The following EHMT2 variants were observed in gnomAD, a reference collection of about 807,000 sequenced individuals.
The protein encoded by EHMT2 is euchromatic histone lysine methyltransferase 2.
A neutral mutation model predicts 143.3 loss-of-function variants in EHMT2; 59 were observed. The ratio of observed to expected loss-of-function variants is 0.41; its 90% CI spans 0.33 to 0.51. The LOEUF (loss-of-function observed/expected upper bound fraction) is 0.51. EHMT2 is among the 20% of genes least tolerant of loss of function. The pLI is 0.18. For synonymous variants in EHMT2, 604 were observed against 651.5 expected (o/e 0.93, Z 1.11); for missense variants, 1,174 against 1,645.9 (o/e 0.71, Z 4.96).
chr6:31,897,671 C>CCGCCAT, exon 1 of EHMT2: 1 of 1,148,524 alleles, frequency 8.7e-7, no homozygotes. Context: ...CCCGCCGCCG[C>CCGCCAT]CGCCATCGCC....
chr6:31,886,762 C>T lies in EHMT2; in HGVS notation c.2241+13G>A. ...TGACTCCGGGGGCCACGCCCTGCTGCCTGCGCGCACACCTTGCTATAGACA... is the reference window on the plus strand; with the variant it reads ...TGACTCCGGGGGCCACGCCCTGCTGTCTGCGCGCACACCTTGCTATAGACA... On this transcript the variant is annotated intron_variant, in intron 17 of 27. Transcript: ENST00000375537. 1 of 1,614,174 alleles carries T rather than the reference C, an allele frequency of 6.2e-7. No individual in the cohort carries two copies. The highest frequency in any genetic ancestry group is 8.5e-7 in the Non-Finnish European group (1 of 1,179,992).
chr6:31,893,339 G>C (rs1223248139), intron 4 of EHMT2: 1 of 444,374 alleles, frequency 2.3e-6, no homozygotes, highest in African/African-American at 2.0e-5. Context: ...CTTTTTTTAA[G>C]AGATAAGGTC....
chr6:31,884,867 C>A lies in EHMT2; in HGVS notation c.2448+45G>T. ...GCCCTTGAATCCAGCCTCCACCTTG[C>A]TCAGGGGCCTGGGGCTGCCCTACCT... On this transcript the variant is annotated intron_variant, in intron 19 of 27. Transcript: ENST00000375537. The surrounding 1 kb of genome is among the most constrained non-coding windows in gnomAD (Gnocchi z 7.3). 1 of 1,584,074 alleles carries A rather than the reference C, an allele frequency of 6.3e-7. No homozygotes were observed. Among genetic ancestry groups the A allele is most frequent in the Non-Finnish European group, 8.6e-7 (1 of 1,158,836 alleles).
At chr6:31,887,744 C>A in intron 14 of EHMT2, 35 bp downstream of exon 14, 1 of 1,601,938 alleles carries the variant, frequency 6.2e-7, no homozygotes, top group South Asian at 1.1e-5. Flanking sequence ...CTGGCCTCAG[C>A]CCCAGTTGCT....
exon 3 of EHMT2, chr6:31,896,786 T>A (rs751692576): frequency 5.6e-6 from 9 of 1,612,884 alleles, no homozygotes; most frequent in Non-Finnish European, 7.6e-6. Context: ...TTGGGCAGGG[T>A]TTCTTCACTA....
At chr6:31,893,557 T>C in intron 4 of EHMT2, 1 of 274,894 alleles carries the variant, frequency 3.6e-6, no homozygotes, top group South Asian at 3.2e-5. Flanking sequence ...GAACTCCTGG[T>C]GTCAAGTGAT....
chr6:31,885,401 G>C (rs1044388158), intron 18 of EHMT2: 1 of 169,766 alleles, frequency 5.9e-6, no homozygotes, highest in Non-Finnish European at 1.3e-5. Context: ...CGTGAACCCG[G>C]GAGGCGGAGC....
At chr6:31,895,227 GCTTC>G (rs1261740298) in intron 4 of EHMT2, among the ~76,000 whole-genome samples, 19 of 152,208 alleles carry the variant, frequency 1.2e-4, no homozygotes, top group African/African-American at 4.3e-4. Context: ...CTAGGGTGCT[GCTTC>G]ACCCATTATC....
chr6:31,897,551 G>T, intron 1 of EHMT2, 85 bp downstream of exon 1: 5 of 1,062,584 alleles, frequency 4.7e-6, no homozygotes, highest in Non-Finnish European at 5.8e-6. Context: ...CGGCCCCGTT[G>T]CACCCCCGGA....
Position 31,880,312 on chromosome 6 carries a change from G to C in EHMT2, c.3453-48C>G, listed in dbSNP as rs1424903624. The C allele has an allele frequency of 6.3e-7, 1 of 1,588,968 alleles. No individual in the cohort carries two copies. The highest frequency in any genetic ancestry group is 8.6e-7 in the Non-Finnish European group (1 of 1,163,262). ...TGTGGGACCTGGACCCAGCCACCAAGAGCCCACCCCGAAGACCCTGTGGAT... is the reference window on the plus strand; with the variant it reads ...TGTGGGACCTGGACCCAGCCACCAACAGCCCACCCCGAAGACCCTGTGGAT... On this transcript the variant is annotated intron_variant, in intron 27 of 27. Transcript: ENST00000375537. The surrounding 1 kb of genome is among the most constrained non-coding windows in gnomAD (Gnocchi z 6.6).
At position 31,881,709 on chromosome 6, in the gene EHMT2, G is replaced by A. The variant is rs910903378; in HGVS notation, c.3198-617C>T. ...ATGGTGGGGAAACTGAGGCCCAGCA[G>A]GAAGGGGCTGCTTGCCAGAGAAGTT... On this transcript the variant is annotated intron_variant, in intron 25 of 27. Coordinates refer to ENST00000375537, the Ensembl canonical transcript of EHMT2. This position sits in a 1 kb window ranked among gnomAD's most constrained non-coding sequence, Gnocchi z 4.8. 2 of 162,592 alleles carry A rather than the reference G, an allele frequency of 1.2e-5. No homozygotes were observed. The highest frequency in any genetic ancestry group is 4.8e-5 in the African/African-American group (2 of 41,618). The allele number at this position is 162,592 out of a possible 1,614,324, so 10.1% of individuals were successfully genotyped here.
rs749495458 is a variant in EHMT2 at position 31,884,535 on chromosome 6, G to C, written c.2628C>G (p.Asn876Lys). The stretch of plus-strand genomic sequence containing the variant: ...CCCCCTCTTTGTTCCGCAGCTCAGG[G>C]TTGGCCCCACGTGACAGGAATAACC... The change falls in exon 21 of 28, where the codon AAC becomes AAG. Residue 876 changes from asparagine (N) to lysine (K), a missense_variant. Physicochemically the swap from Asn to Lys is moderately conservative, Grantham distance 94. Around this residue, in one of 6 missense-constraint regions of EHMT2, gnomAD observed 608 missense variants for 903.7 expected, o/e 0.67. Transcript: ENST00000375537. This position sits in a 1 kb window ranked among gnomAD's most constrained non-coding sequence, Gnocchi z 7.3. 9.3e-6 allele frequency: 15 copies of C among 1,612,798 alleles called. No homozygotes were observed. The Admixed American group carries it at 1.2e-4, about 13-fold the overall frequency.
At chr6:31,885,044 G>T in intron 18 of EHMT2, 28 bp from the exon 19 acceptor site, 1 of 1,586,446 alleles carries the variant, frequency 6.3e-7, no homozygotes. Flanking sequence ...GTGAGGGTGG[G>T]GGCAGCTGGC....
Position 31,888,593 on chromosome 6 carries a change from C to T in EHMT2, c.1365+6G>A. On this transcript the variant is annotated splice_donor_region_variant and intron_variant, in intron 11 of 27. Coordinates refer to ENST00000375537, the Ensembl canonical transcript of EHMT2. This position sits in a 1 kb window ranked among gnomAD's most constrained non-coding sequence, Gnocchi z 7.4. ...TGGCACCTCTCCCACCAGCCCACGG[C>T]CCCACCTCTCCGTCCACACTCTCAG... 6.2e-7 allele frequency: 1 copy of T among 1,611,870 alleles called. No homozygotes were observed. Among genetic ancestry groups the T allele is most frequent in the South Asian group, 1.1e-5 (1 of 90,978 alleles).
intron 18 of EHMT2, 127 bp from the exon 19 acceptor site, chr6:31,885,143 T>G: frequency 7.9e-7 from 1 of 1,259,966 alleles, no homozygotes; most frequent in Non-Finnish European, 1.1e-6. Flanking sequence ...CCTGGGTAAG[T>G]CACTTAACGT....
At chr6:31,886,626 C>T (rs752565173) in exon 18 of EHMT2, 2 of 1,613,524 alleles carry the variant, frequency 1.2e-6, no homozygotes, top group South Asian at 1.1e-5. Context: ...GCAGGCTGAC[C>T]ATCTCCAAGT....
In EHMT2 at chr6:31,892,581, A is replaced by C. The variant is rs752511873; in HGVS notation, c.709-19T>G. 1.2e-5 allele frequency: 20 copies of C among 1,612,506 alleles called. No individual in the cohort carries two copies. The highest frequency in any genetic ancestry group is 2.7e-5 in the African/African-American group (2 of 74,816). On this transcript the variant is annotated intron_variant, in intron 6 of 27. Transcript: ENST00000375537. ...CCTCTGACTAGAAAAAGATCAGAAA[A>C]ATTGAGGCCACTGACACCCTGCGCA...
Position 31,889,679 on chromosome 6 carries a change from C to T in EHMT2, c.865-77G>A, listed in dbSNP as rs971562640. 14 of 1,573,022 alleles carry T rather than the reference C, an allele frequency of 8.9e-6. No individual in the cohort carries two copies. Among genetic ancestry groups the T allele is most frequent in the Non-Finnish European group, 1.1e-5 (13 of 1,159,684 alleles). ...GGTGAGTAAAGAAAACCACCACCAC[C>T]ATTGCCCCCCGCCACTACCCACGGA... is the stretch of plus-strand genomic sequence containing the variant. On this transcript the variant is annotated intron_variant, in intron 7 of 27. Transcript: ENST00000375537. The surrounding 1 kb of genome is among the most constrained non-coding windows in gnomAD (Gnocchi z 5.1).
At chr6:31,886,486 G>A in intron 18 of EHMT2, 95 bp downstream of exon 18, 1 of 991,760 alleles carries the variant, frequency 1.0e-6, no homozygotes, top group Non-Finnish European at 1.5e-6. Context: ...AGCAGTGTGA[G>A]GTCAGATGTA....
Sources: gnomAD v4.1 joint callset for allele counts (sites outside exome capture counted in the v4.1 genomes callset) on GRCh38, gnomAD v4.1.1 for gene constraint, gnomAD v4.1.1 regional missense constraint, Gnocchi (gnomAD v3.1) non-coding constraint, MANE v1.5 for transcripts, NCBI Gene and HGNC (gene_info 2026-07-23, HGNC 2026-07-21) for gene names.